The following EML6 variants were observed in gnomAD, a reference collection of about 807,000 sequenced individuals.
The protein encoded by EML6 is EMAP like 6.
A neutral mutation model predicts 240.1 loss-of-function variants in EML6; 154 were observed. The observed-to-expected ratio is 0.64, with a 90% CI of 0.56 to 0.73. EML6 has a LOEUF of 0.73. Ranked by LOEUF, EML6 falls within the 30% of genes least tolerant of loss-of-function variation. The pLI, the probability that EML6 is intolerant of heterozygous loss-of-function variation, is 0.00. For missense variants in EML6, 2,964 were observed against 2,474.6 expected (o/e 1.20, Z -4.20); for synonymous variants, 1,148 against 899.0 (o/e 1.28, Z -4.95).
At chr2:54,763,637 C>G (rs899451118) in intron 2 of EML6, among the ~76,000 whole-genome samples, 1 of 152,162 alleles carries the variant, frequency 6.6e-6, no homozygotes, top group African/African-American at 2.4e-5. Context: ...TGTCTGTTCT[C>G]CAAGTCATAG....
At chr2:54,851,251 A>G (rs1447329601) in intron 10 of EML6, among the ~76,000 whole-genome samples, 1 of 151,294 alleles carries the variant, frequency 6.6e-6, no homozygotes, top group South Asian at 2.1e-4. Flanking sequence ...TCTGCTAAAG[A>G]TACAAAAAAA....
At chr2:54,940,871 A>G (rs1675394373) in intron 28 of EML6, among the ~76,000 whole-genome samples, 1 of 152,240 alleles carries the variant, frequency 6.6e-6, no homozygotes, top group African/African-American at 2.4e-5. Context: ...ACCCCAGGCA[A>G]AAGGAATCAA....
At chr2:54,969,592 C>G (rs544125855) in intron 41 of EML6, among the ~76,000 whole-genome samples, 5 of 152,146 alleles carry the variant, frequency 3.3e-5, no homozygotes, top group Non-Finnish European at 7.3e-5. Context: ...GAGTAAAAGA[C>G]GTAAATGAAT....
intron 32 of EML6, among the ~76,000 whole-genome samples, chr2:54,957,307 C>A (rs6545462): frequency 0.92 from 137,098 of 148,908 alleles, 63,133 homozygotes; most frequent in Middle Eastern, 0.98. Context: ...ACACCACAAA[C>A]TAAAAAGGAA....
In EML6 at chr2:54,847,583, C is replaced by T. The variant is rs1043028473; in HGVS notation, c.1147C>T (p.Leu383=). The T allele has an allele frequency of 1.3e-6, 2 of 1,552,358 alleles. No homozygotes were observed. Among genetic ancestry groups the T allele is most frequent in the African/African-American group, 1.4e-5 (1 of 73,168 alleles). The change falls in exon 9 of 42, where the codon CTG becomes TTG. Residue 383 remains leucine, a synonymous_variant. Coordinates refer to ENST00000356458, the MANE Select transcript of EML6 (RefSeq NM_001039753.4). ...AFSPDGSQLA[L]GMKDGSFIVL... ...CAGCCCCGACGGATCTCAGCTGGCCCTGGGCATGAAGGACGGCTCTTTCAT... is the reference window on the plus strand; with the variant it reads ...CAGCCCCGACGGATCTCAGCTGGCCTTGGGCATGAAGGACGGCTCTTTCAT...
intron 5 of EML6, among the ~76,000 whole-genome samples, chr2:54,825,037 C>CTT (rs979529928): frequency 2.1e-4 from 32 of 152,278 alleles, no homozygotes; most frequent in African/African-American, 7.2e-4. Flanking sequence ...TCATGTGGGC[C>CTT]TTATACCATC....
intron 8 of EML6, among the ~76,000 whole-genome samples, chr2:54,844,541 A>G (rs187419410): frequency 5.9e-5 from 9 of 152,326 alleles, no homozygotes; most frequent in Non-Finnish European, 8.8e-5. Context: ...ACACTCATCT[A>G]TGATGAAACC....
At chr2:54,914,962 C>G (rs1000835556) in intron 25 of EML6, among the ~76,000 whole-genome samples, 1 of 152,166 alleles carries the variant, frequency 6.6e-6, no homozygotes, top group Non-Finnish European at 1.5e-5. Context: ...CTTCGGCTTC[C>G]TAAGCATGCT....
intron 8 of EML6, 33 bp downstream of exon 8, chr2:54,844,281 CTTT>C (rs1669633241): frequency 1.3e-6 from 2 of 1,513,428 alleles, no homozygotes; most frequent in South Asian, 2.4e-5. Context: ...TCTCTGACTT[CTTT>C]GAGATGGATT....
intron 32 of EML6, among the ~76,000 whole-genome samples, chr2:54,955,060 C>G (rs1558723144): frequency 6.6e-6 from 1 of 152,208 alleles, no homozygotes; most frequent in Admixed American, 6.5e-5. Flanking sequence ...AGGAAAAGAG[C>G]CTGACAGCTT....
chr2:54,800,340 C>T (rs564539422), intron 2 of EML6, among the ~76,000 whole-genome samples: 18 of 152,140 alleles, frequency 1.2e-4, no homozygotes, highest in Non-Finnish European at 1.3e-4. Context: ...CCCACTGTTC[C>T]ATCAGATTGG....
intron 2 of EML6, among the ~76,000 whole-genome samples, chr2:54,742,997 C>T (rs571535340): frequency 6.6e-6 from 1 of 152,328 alleles, no homozygotes; most frequent in African/African-American, 2.4e-5. Context: ...AGGAAAATCA[C>T]TAACCTAACT....
At chr2:54,843,611 G>A (rs372046600) in intron 7 of EML6, among the ~76,000 whole-genome samples, 3 of 152,042 alleles carry the variant, frequency 2.0e-5, no homozygotes, top group Non-Finnish European at 2.9e-5. Flanking sequence ...TTGGGAGTCC[G>A]AGGCGGGCGG....
chr2:54,927,482 T>A (rs1325968242), intron 26 of EML6, among the ~76,000 whole-genome samples: 1 of 151,860 alleles, frequency 6.6e-6, no homozygotes, highest in African/African-American at 2.4e-5. Flanking sequence ...TCCCTCGGAG[T>A]CGCTGAGAGG....
chr2:54,920,730 G>A (rs573189669), intron 26 of EML6, among the ~76,000 whole-genome samples: 1 of 152,192 alleles, frequency 6.6e-6, no homozygotes, highest in East Asian at 1.9e-4. Context: ...AGGCCAATAT[G>A]CCTGATGAAT....
chr2:54,856,009 T>G (rs1022658878), intron 11 of EML6, among the ~76,000 whole-genome samples: 27 of 152,238 alleles, frequency 1.8e-4, no homozygotes, highest in African/African-American at 6.3e-4. Context: ...TGTTTTCCAT[T>G]GTGATTTTTA....
At chr2:54,768,858 A>G (rs990255252) in intron 2 of EML6, among the ~76,000 whole-genome samples, 4 of 152,318 alleles carry the variant, frequency 2.6e-5, no homozygotes, top group South Asian at 4.1e-4. Flanking sequence ...TGGCTTCTAT[A>G]TAAGTAACAA....
rs1025830192 is a variant in EML6, at chr2:54,853,673, T to A, written c.1475T>A (p.Ile492Asn). The change falls in exon 11 of 42, where the codon ATT becomes AAT. Residue 492 changes from isoleucine (I) to asparagine (N), a missense_variant. Transcript: ENST00000356458. The part of the protein sequence containing the change: ...SGKPLTSKEE[I>N]KGIPWASWTC... ...AAGCCTTTAACAAGTAAAGAAGAAA[T>A]TAAAGGGATTCCTTGGGCCTCCTGG... 9 of 1,548,578 alleles carry A rather than the reference T, an allele frequency of 5.8e-6. No homozygotes were observed. Among genetic ancestry groups the A allele is most frequent in the Non-Finnish European group, 7.9e-6 (9 of 1,145,360 alleles).
intron 12 of EML6, among the ~76,000 whole-genome samples, chr2:54,862,304 C>G (rs1011190786): frequency 2.1e-5 from 3 of 143,096 alleles, no homozygotes; most frequent in Non-Finnish European, 4.5e-5. Flanking sequence ...TGCCACCGCA[C>G]TCCAGCCTGG....
Sources: allele counts gnomAD v4.1 joint callset (sites outside exome capture counted in the v4.1 genomes callset), GRCh38; gene constraint gnomAD v4.1.1; transcripts MANE v1.5; gene names NCBI Gene and HGNC (gene_info 2026-07-23, HGNC 2026-07-21).